Variants in CCDC85A observed in about 807,000 individuals in gnomAD.
The protein encoded by CCDC85A is coiled-coil domain containing 85A, also known as coiled-coil domain-containing protein 85A.
CCDC85A carries 38 observed loss-of-function variants against 50.2 expected under a neutral mutation model. That is an observed-to-expected ratio of 0.76 (90% CI 0.58 to 0.99). The LOEUF (loss-of-function observed/expected upper bound fraction) is 0.99, where lower values mean the gene tolerates loss of function less well. Among genes scored for constraint, CCDC85A ranks in the 50% least tolerant of loss-of-function variants. The pLI is 0.00. For synonymous variants in CCDC85A, 366 were observed against 301.4 expected, an observed-to-expected ratio of 1.21 and a Z score of -2.22; for missense variants, 820 against 742.0, an observed-to-expected ratio of 1.11 and a Z score of -1.22.
At chr2:56,347,766 A>G (rs1381772984) in intron 3 of CCDC85A, among the ~76,000 whole-genome samples, 1 of 152,182 alleles carries the variant, frequency 6.6e-6, no homozygotes, top group Non-Finnish European at 1.5e-5. Context: ...TTTAAAACTG[A>G]AATTTTAAAA....
At chr2:56,353,241 G>A (rs1049677189) in intron 3 of CCDC85A, among the ~76,000 whole-genome samples, 4 of 152,168 alleles carry the variant, frequency 2.6e-5, no homozygotes, top group Non-Finnish European at 4.4e-5. Flanking sequence ...GTGCTCACAC[G>A]CTAGTCTAAT....
intron 1 of CCDC85A, among the ~76,000 whole-genome samples, chr2:56,189,295 G>GTAT (rs773078371): frequency 1.0e-4 from 10 of 100,432 alleles, no homozygotes; most frequent in Admixed American, 2.0e-4. Flanking sequence ...GGTATTTTTG[G>GTAT]TGTTTTTTTT....
chr2:56,378,935 A>G (rs1184946162), intron 5 of CCDC85A, among the ~76,000 whole-genome samples: 2 of 152,318 alleles, frequency 1.3e-5, no homozygotes, highest in Non-Finnish European at 2.9e-5. Flanking sequence ...ACTGATATAG[A>G]TAAAAACAAC....
chr2:56,226,511 T>A (rs1668547664), intron 2 of CCDC85A, among the ~76,000 whole-genome samples: 1 of 148,760 alleles, frequency 6.7e-6, no homozygotes, highest in Non-Finnish European at 1.5e-5. Flanking sequence ...CTATGTCATA[T>A]TTTTTTTTTC....
intron 2 of CCDC85A, among the ~76,000 whole-genome samples, chr2:56,303,795 G>A (rs1268817441): frequency 3.9e-5 from 6 of 152,154 alleles, no homozygotes; most frequent in Non-Finnish European, 8.8e-5. Flanking sequence ...TTTGACAAGT[G>A]TAAGGGGTGC....
rs1430796606 is a variant in CCDC85A at position 56,294,320 on chromosome 2, G to A, written c.1241-48559G>A. 2.0e-5 allele frequency among the ~76,000 whole-genome samples: 3 copies of A among 152,154 alleles called. No individual in the cohort carries two copies. The East Asian group carries it at 5.8e-4, about 29-fold the overall frequency. ...CAGGGGAAGGAGAGCATCAAGATAAGTAGCTATTACACGCTGGGCTTAATA... is the reference window on the plus strand; with the variant it reads ...CAGGGGAAGGAGAGCATCAAGATAAATAGCTATTACACGCTGGGCTTAATA... On this transcript the variant is annotated intron_variant, in intron 2 of 5. Coordinates refer to ENST00000407595, the MANE Select transcript of CCDC85A (RefSeq NM_001080433.2).
chr2:56,323,220 C>G (rs1200036995), intron 2 of CCDC85A, among the ~76,000 whole-genome samples: 1 of 152,042 alleles, frequency 6.6e-6, no homozygotes, highest in Non-Finnish European at 1.5e-5. Context: ...GTGCAGCACA[C>G]CAACATGGCG....
At chr2:56,288,883 T>A (rs1671573006) in intron 2 of CCDC85A, among the ~76,000 whole-genome samples, 1 of 152,166 alleles carries the variant, frequency 6.6e-6, no homozygotes, top group Admixed American at 6.5e-5. Context: ...CGGGGAGAAA[T>A]CACATCTGCT....
chr2:56,227,753 T>C (rs1304290048), intron 2 of CCDC85A, among the ~76,000 whole-genome samples: 2 of 152,060 alleles, frequency 1.3e-5, no homozygotes, highest in African/African-American at 4.8e-5. Context: ...TAGCTGTCTG[T>C]TTATGGTGAT....
chr2:56,277,455 A>T (rs541357980), intron 2 of CCDC85A, among the ~76,000 whole-genome samples: 105 of 152,302 alleles, frequency 6.9e-4, no homozygotes, highest in Non-Finnish European at 1.4e-3. Flanking sequence ...TAGAGCTGAA[A>T]AAAAACCTTT....
intron 2 of CCDC85A, among the ~76,000 whole-genome samples, chr2:56,265,032 A>G (rs1256728621): frequency 6.6e-6 from 1 of 152,076 alleles, no homozygotes; most frequent in Non-Finnish European, 1.5e-5. Flanking sequence ...CCTCCAGGTT[A>G]CCTCTGCCCC....
At chr2:56,331,463 A>G (rs573908088) in intron 2 of CCDC85A, among the ~76,000 whole-genome samples, 23 of 152,228 alleles carry the variant, frequency 1.5e-4, no homozygotes, top group African/African-American at 2.2e-4. Flanking sequence ...TGTTTACACT[A>G]AAAGCTCAGA....
chr2:56,232,913 C>G (rs1039906983), intron 2 of CCDC85A, among the ~76,000 whole-genome samples: 5 of 152,126 alleles, frequency 3.3e-5, no homozygotes, highest in African/African-American at 1.2e-4. Context: ...CTGATTAAAA[C>G]TTAATGGGGT....
At chr2:56,206,129 G>A (rs542649484) in intron 2 of CCDC85A, among the ~76,000 whole-genome samples, 5 of 152,062 alleles carry the variant, frequency 3.3e-5, no homozygotes, top group Non-Finnish European at 5.9e-5. Flanking sequence ...AGATAATTTT[G>A]GAAAGTGAGT....
intron 2 of CCDC85A, among the ~76,000 whole-genome samples, chr2:56,290,965 A>G (rs998866322): frequency 3.3e-5 from 5 of 152,232 alleles, no homozygotes; most frequent in African/African-American, 1.2e-4. Flanking sequence ...CCAAAACCAG[A>G]AAAAGAAAAA....
intron 3 of CCDC85A, among the ~76,000 whole-genome samples, chr2:56,356,011 G>A (rs1393625667): frequency 6.6e-6 from 1 of 152,196 alleles, no homozygotes; most frequent in Non-Finnish European, 1.5e-5. Flanking sequence ...CAAGGCAGGT[G>A]TGTCTTAATG....
chr2:56,384,481 A>C lies in CCDC85A; in HGVS notation c.*126A>C. On this transcript the variant is annotated 3_prime_UTR_variant, in exon 6 of 6. Transcript: ENST00000407595. ...ATAACATGGAGTGATTGTACATTGC[A>C]CATATCTCCCCTCTAAAACCTGTAG... 1 of 731,528 alleles carries C rather than the reference A, an allele frequency of 1.4e-6. No individual in the cohort carries two copies. The highest frequency in any genetic ancestry group is 2.3e-6 in the Non-Finnish European group (1 of 433,468). The allele number at this position is 731,528 out of a possible 1,614,324, so 45.3% of individuals were successfully genotyped here.
At chr2:56,270,914 G>A (rs1258568431) in intron 2 of CCDC85A, among the ~76,000 whole-genome samples, 1 of 152,124 alleles carries the variant, frequency 6.6e-6, no homozygotes, top group Non-Finnish European at 1.5e-5. Context: ...ATAATCAAGT[G>A]CCTTTTCTGT....
intron 2 of CCDC85A, among the ~76,000 whole-genome samples, chr2:56,229,976 T>C (rs772642506): frequency 2.6e-5 from 4 of 152,198 alleles, no homozygotes; most frequent in Non-Finnish European, 5.9e-5. Context: ...CTTTATGCAG[T>C]TGCCAGAGAA....
Sources: allele counts gnomAD v4.1 joint callset (sites outside exome capture counted in the v4.1 genomes callset), GRCh38; gene constraint gnomAD v4.1.1; transcripts MANE v1.5; gene names NCBI Gene and HGNC (gene_info 2026-07-23, HGNC 2026-07-21).